The following PHF11 variants were observed in gnomAD, a reference collection of about 807,000 sequenced individuals.
The protein encoded by PHF11 is BRCA1 C-terminus-associated protein.
A neutral mutation model predicts 40.5 loss-of-function variants in PHF11; 38 were observed. That is an observed-to-expected ratio of 0.94 (90% CI 0.72 to 1.23). The LOEUF (loss-of-function observed/expected upper bound fraction) is 1.23. Ranked by LOEUF, PHF11 falls within the 50% of genes most tolerant of loss-of-function variation. PHF11 has a pLI of 0.00. For missense variants in PHF11, 369 were observed against 392.4 expected, an observed-to-expected ratio of 0.94 and a Z score of 0.50; for synonymous variants, 127 against 138.2, an observed-to-expected ratio of 0.92 and a Z score of 0.57.
At chr13:49,517,955 T>C (rs899345585) in intron 3 of PHF11, 63 bp from the exon 4 acceptor site, 1 of 907,784 alleles carries the variant, frequency 1.1e-6, no homozygotes, top group Non-Finnish European at 1.7e-6. Flanking sequence ...TTTAATGATA[T>C]CTTTGAATTT....
chr13:49,517,015 T>C (rs1959164262), intron 3 of PHF11, among the ~76,000 whole-genome samples: 1 of 152,204 alleles, frequency 6.6e-6, no homozygotes, highest in Admixed American at 6.5e-5. Context: ...AACATTGTTA[T>C]CTGGTTCGAG....
At chr13:49,519,427 T>TG (rs1959177261) in intron 4 of PHF11, among the ~76,000 whole-genome samples, 10 of 152,040 alleles carry the variant, frequency 6.6e-5, no homozygotes, top group Non-Finnish European at 1.3e-4. Flanking sequence ...TTAGAAGAAC[T>TG]AACAAATAGG....
intron 1 of PHF11, among the ~76,000 whole-genome samples, chr13:49,499,454 A>C (rs750338522): frequency 1.3e-5 from 2 of 152,220 alleles, no homozygotes; most frequent in African/African-American, 4.8e-5. Flanking sequence ...CTATTTATAC[A>C]TTCTAAAGAT....
intron 9 of PHF11, among the ~76,000 whole-genome samples, chr13:49,527,811 GATTCAACT>G (rs1412316200): frequency 6.6e-6 from 1 of 152,102 alleles, no homozygotes; most frequent in East Asian, 1.9e-4. Context: ...AACTGCATGA[GATTCAACT>G]TAAAAGGCTT....
chr13:49,501,006 TTTTTTTTTTGG>T lies in PHF11; in HGVS notation c.94+4921_94+4931del, dbSNP rs1290242534. On this transcript the variant is annotated intron_variant, in intron 1 of 9. Transcript: ENST00000378319. ...TTGGGAGTCACCAACTTTTGTTTTT[TTTTTTTTTTGG>T]TTTTTTTTTTTCTGAAATGGAGTTT... 3.9e-5 allele frequency among the ~76,000 whole-genome samples: 5 copies of T among 127,372 alleles called. 1 individual carries two copies. The highest frequency in any genetic ancestry group is 1.1e-4 in the African/African-American group (3 of 28,460). 83.6% of individuals were successfully genotyped at this position (127,372 alleles called of 152,430 possible). A position where few individuals can be genotyped will look rare whatever the true frequency, so the allele number is the denominator to read the frequency against.
chr13:49,500,528 T>C (rs1958885314), intron 1 of PHF11, among the ~76,000 whole-genome samples: 1 of 152,096 alleles, frequency 6.6e-6, no homozygotes, highest in Non-Finnish European at 1.5e-5. Flanking sequence ...TGTGTAAAAG[T>C]CCTCAGTGTG....
At chr13:49,511,116 A>G (rs190346989) in intron 2 of PHF11, among the ~76,000 whole-genome samples, 4 of 152,260 alleles carry the variant, frequency 2.6e-5, no homozygotes, top group African/African-American at 9.6e-5. Flanking sequence ...AGATGCATCT[A>G]TGTTGCATGT....
intron 9 of PHF11, chr13:49,527,269 A>G (rs1959346159): frequency 6.6e-6 from 1 of 152,130 alleles, no homozygotes; most frequent in Admixed American, 6.5e-5. Context: ...TGACTTCTCT[A>G]TCAAGGCTGC....
chr13:49,525,273 A>T (rs1251840935), intron 8 of PHF11, among the ~76,000 whole-genome samples: 2 of 152,170 alleles, frequency 1.3e-5, no homozygotes, highest in Non-Finnish European at 2.9e-5. Flanking sequence ...TTTGAGGCAG[A>T]GTCTCGCTCT....
At chr13:49,496,119 G>T (rs1471873140) in intron 1 of PHF11, 24 bp downstream of exon 1, 1 of 1,157,824 alleles carries the variant, frequency 8.6e-7, no homozygotes, top group South Asian at 2.7e-5. Flanking sequence ...GGGCGGGCGG[G>T]CGGGCGGGCG....
At chr13:49,505,262 T>C (rs1387565449) in intron 1 of PHF11, among the ~76,000 whole-genome samples, 2 of 151,724 alleles carry the variant, frequency 1.3e-5, no homozygotes, top group Non-Finnish European at 2.9e-5. Context: ...TCTTGCTTGG[T>C]GGGAAGCTGG....
chr13:49,519,765 A>G (rs577570364), intron 4 of PHF11, among the ~76,000 whole-genome samples: 6 of 152,246 alleles, frequency 3.9e-5, no homozygotes, highest in Non-Finnish European at 8.8e-5. Flanking sequence ...ACTGTTTTAT[A>G]TGTTTGAAAA....
intron 9 of PHF11, 106 bp downstream of exon 9, chr13:49,526,564 C>A: frequency 1.4e-6 from 1 of 736,200 alleles, no homozygotes; most frequent in South Asian, 1.6e-5. Context: ...GAAGAATGTT[C>A]ATTGTTTTCT....
intron 1 of PHF11, among the ~76,000 whole-genome samples, chr13:49,500,795 A>G (rs1958889294): frequency 6.6e-6 from 1 of 152,168 alleles, no homozygotes; most frequent in Non-Finnish European, 1.5e-5. Flanking sequence ...GTCAGAGAAT[A>G]CAAACCACCT....
intron 8 of PHF11, chr13:49,525,961 C>T (rs1235801144): frequency 2.1e-5 from 7 of 333,482 alleles, no homozygotes; most frequent in Non-Finnish European, 3.5e-5. Flanking sequence ...CTGTGGTCAG[C>T]AGTTCGAGAC....
intron 2 of PHF11, among the ~76,000 whole-genome samples, chr13:49,510,012 C>T (rs1410862432): frequency 6.7e-6 from 1 of 150,296 alleles, no homozygotes. Context: ...GTACTAATAA[C>T]GTGTGTGTGT....
chr13:49,517,469 A>T (rs1376435206), intron 3 of PHF11, among the ~76,000 whole-genome samples: 1 of 151,948 alleles, frequency 6.6e-6, no homozygotes, highest in Non-Finnish European at 1.5e-5. Context: ...AAAAACTGTT[A>T]ATAGAGTTGT....
intron 1 of PHF11, chr13:49,497,296 G>C (rs1958829986): frequency 2.5e-6 from 2 of 791,598 alleles, no homozygotes; most frequent in Middle Eastern, 2.7e-4. Flanking sequence ...TTCCATTTCT[G>C]AAATGATCTC....
At chr13:49,511,970 A>G (rs1959087840) in intron 2 of PHF11, among the ~76,000 whole-genome samples, 1 of 152,234 alleles carries the variant, frequency 6.6e-6, no homozygotes, top group South Asian at 2.1e-4. Context: ...TCATAAAGTT[A>G]GTGTATGTTT....
Sources: allele counts gnomAD v4.1 joint callset (sites outside exome capture counted in the v4.1 genomes callset), GRCh38; gene constraint gnomAD v4.1.1; transcripts MANE v1.5; gene names NCBI Gene and HGNC (gene_info 2026-07-23, HGNC 2026-07-21).